GLDN: variants seen among roughly 807,000 people sequenced by gnomAD.
GLDN encodes the protein collomin.
GLDN carries 47 observed loss-of-function variants against 56.5 expected under a neutral mutation model. The observed-to-expected ratio is 0.83, with a 90% CI of 0.66 to 1.06. GLDN has a LOEUF of 1.06. Ranked by LOEUF, GLDN falls within the 50% of genes least tolerant of loss-of-function variation. The pLI, the probability that GLDN is intolerant of heterozygous loss-of-function variation, is 0.00. For missense variants in GLDN, 782 were observed against 714.3 expected, an observed-to-expected ratio of 1.09 and a Z score of -1.08; for synonymous variants, 332 against 278.8, an observed-to-expected ratio of 1.19 and a Z score of -1.90.
At chr15:51,371,313 T>C (rs528466341) in intron 1 of GLDN, among the ~76,000 whole-genome samples, 25 of 152,366 alleles carry the variant, frequency 1.6e-4, no homozygotes, top group East Asian at 1.3e-3. Flanking sequence ...CAGTGTTGCA[T>C]TGAGCATTTT....
rs147021073 is a variant in GLDN at position 51,355,525 on chromosome 15, CTT to C, written c.363+13493_363+13494del. Among the ~76,000 whole-genome samples, 49 of 126,382 alleles carry C rather than the reference CTT, an allele frequency of 3.9e-4. 1 individual carries two copies. The highest frequency in any genetic ancestry group is 1.7e-3 in the South Asian group (6 of 3,602). 82.9% of individuals were successfully genotyped at this position (126,382 alleles called of 152,430 possible). ...CATGCTTTTTTCTTTTTCTTTCTTT[CTT>C]TTTTTTTTTTTTTTGAGATGGAGTC... On this transcript the variant is annotated intron_variant, in intron 1 of 9. Transcript: ENST00000335449.
At chr15:51,380,446 T>C (rs2037733186) in intron 2 of GLDN, among the ~76,000 whole-genome samples, 1 of 152,202 alleles carries the variant, frequency 6.6e-6, no homozygotes, top group South Asian at 2.1e-4. Context: ...AAACACCCAG[T>C]TGGCACACAT....
intron 5 of GLDN, among the ~76,000 whole-genome samples, chr15:51,397,009 A>T (rs2038143708): frequency 6.6e-6 from 1 of 152,212 alleles, no homozygotes; most frequent in African/African-American, 2.4e-5. Context: ...GCTGCTGACC[A>T]AGTGAGGGGT....
chr15:51,346,004 C>T (rs1009199062), intron 1 of GLDN, among the ~76,000 whole-genome samples: 2 of 152,008 alleles, frequency 1.3e-5, no homozygotes, highest in Non-Finnish European at 1.5e-5. Flanking sequence ...ATATACTTAC[C>T]TTTTGTGTTA....
At chr15:51,353,978 G>A (rs1454247380) in intron 1 of GLDN, among the ~76,000 whole-genome samples, 1 of 152,170 alleles carries the variant, frequency 6.6e-6, no homozygotes, top group Non-Finnish European at 1.5e-5. Flanking sequence ...TTGCTTTTAT[G>A]TAGATCTTTA....
chr15:51,377,598 A>G, intron 2 of GLDN, 98 bp downstream of exon 2: 1 of 809,368 alleles, frequency 1.2e-6, no homozygotes, highest in Non-Finnish European at 2.0e-6. Context: ...TGTTATAAAA[A>G]TACATGTTGG....
intron 1 of GLDN, among the ~76,000 whole-genome samples, chr15:51,370,951 T>A (rs1442921341): frequency 6.6e-6 from 1 of 151,952 alleles, no homozygotes; most frequent in Non-Finnish European, 1.5e-5. Context: ...ATCAAGTTGG[T>A]GCCACTGCAT....
At chr15:51,410,194 T>A (rs1028204314), downstream of GLDN, among the ~76,000 whole-genome samples, 12 of 152,220 alleles carry the variant, frequency 7.9e-5, no homozygotes, top group African/African-American at 1.4e-4. Context: ...AGTGGAAAAG[T>A]CCTTAGATAT....
chr15:51,383,823 T>G lies in GLDN; in HGVS notation c.472T>G (p.Leu158Val), dbSNP rs77970795. ...CGGCGGGTTGCCAGGACACAACGGA[T>G]TGGATGGACAGCCTGGTCCTCAGGG... The part of the protein sequence containing the change: ...GAGGLPGHNG[L>V]DGQPGPQGPK... The change falls in exon 4 of 10, where the codon TTG becomes GTG. Residue 158 changes from leucine (L) to valine (V), a missense_variant. Coordinates refer to ENST00000335449, the MANE Select transcript of GLDN (RefSeq NM_181789.4). The G allele has an allele frequency of 7.1e-3, 11,385 of 1,613,132 alleles. 365 individuals carry two copies. The East Asian group carries it at 0.1, about 15-fold the overall frequency.
At chr15:51,362,633 G>C (rs1366208784) in intron 1 of GLDN, among the ~76,000 whole-genome samples, 1 of 152,080 alleles carries the variant, frequency 6.6e-6, no homozygotes, top group Admixed American at 6.6e-5. Context: ...GGAGGGTTTG[G>C]GGAAGAAGAG....
chr15:51,352,751 G>A (rs977368286), intron 1 of GLDN, among the ~76,000 whole-genome samples: 3 of 152,160 alleles, frequency 2.0e-5, no homozygotes, highest in African/African-American at 7.2e-5. Flanking sequence ...AATTATGACA[G>A]TGAAAGAAAT....
At position 51,370,007 on chromosome 15, in the gene GLDN, T is replaced by C. The variant is rs146705982; in HGVS notation, c.364-7442T>C. Among the ~76,000 whole-genome samples, 276 of 152,292 alleles carry C rather than the reference T, an allele frequency of 1.8e-3. 7 individuals are homozygous for C. The East Asian group carries it at 0.045, about 25-fold the overall frequency. ...GCCGCATGTCTGTAGTCCCAGCTAC[T>C]TGGGAGGCTGAGGCAGGAGGATCTC... On this transcript the variant is annotated intron_variant, in intron 1 of 9. Coordinates refer to ENST00000335449, the MANE Select transcript of GLDN (RefSeq NM_181789.4).
At chr15:51,384,205 A>G (rs2445740) in intron 4 of GLDN, 19,224 of 369,964 alleles carry the variant, frequency 0.052, 3,569 homozygotes, top group African/African-American at 0.39. Flanking sequence ...GGGCCGTGTG[A>G]CAGCTGGTGC....
chr15:51,383,755 TAA>T, intron 3 of GLDN, 28 bp from the exon 4 acceptor site: 5 of 1,465,082 alleles, frequency 3.4e-6, no homozygotes, highest in Admixed American at 2.3e-5. Flanking sequence ...TTTTTTTGGT[TAA>T]TGTCCCTGTT....
At chr15:51,385,865 C>A (rs950254365) in intron 4 of GLDN, among the ~76,000 whole-genome samples, 3 of 152,162 alleles carry the variant, frequency 2.0e-5, no homozygotes, top group African/African-American at 4.8e-5. Context: ...AGAGAGGTAA[C>A]CAGGCCAAAT....
At chr15:51,374,699 G>A (rs957227368) in intron 1 of GLDN, among the ~76,000 whole-genome samples, 39 of 146,556 alleles carry the variant, frequency 2.7e-4, no homozygotes, top group African/African-American at 8.1e-4. Flanking sequence ...ATTATTCATC[G>A]TTAAATTATC....
At chr15:51,353,009 C>T (rs1207303420) in intron 1 of GLDN, among the ~76,000 whole-genome samples, 1 of 152,186 alleles carries the variant, frequency 6.6e-6, no homozygotes, top group East Asian at 1.9e-4. Flanking sequence ...AGATTACTAA[C>T]CTCCCCAATT....
rs146826824 is a variant in GLDN at position 51,384,025 on chromosome 15, C to T, written c.541+133C>T. The T allele has an allele frequency of 4.3e-5, 32 of 752,104 alleles. No individual in the cohort carries two copies. The East Asian group carries it at 8.6e-4, about 20-fold the overall frequency. 46.6% of individuals were successfully genotyped at this position (752,104 alleles called of 1,614,324 possible). On this transcript the variant is annotated intron_variant, in intron 4 of 9. Coordinates refer to ENST00000335449, the MANE Select transcript of GLDN (RefSeq NM_181789.4). ...CAGTTTAAGGCCGGTTTAACTCTTA[C>T]CTAGAAGCCATTGCGTTCCGGGATA... is the stretch of plus-strand genomic sequence containing the variant.
chr15:51,362,432 C>T lies in GLDN; in HGVS notation c.364-15017C>T, dbSNP rs565884414. ...CCAGGGAGGCAGACGTTGCAGTGAGCTGAGATTGTGCCACTGCACTTCAGC... is the reference window on the plus strand; with the variant it reads ...CCAGGGAGGCAGACGTTGCAGTGAGTTGAGATTGTGCCACTGCACTTCAGC... On this transcript the variant is annotated intron_variant, in intron 1 of 9. Coordinates refer to ENST00000335449, the MANE Select transcript of GLDN (RefSeq NM_181789.4). 4.0e-5 allele frequency among the ~76,000 whole-genome samples: 6 copies of T among 148,600 alleles called. No homozygotes were observed. In the East Asian group the frequency reaches 1.2e-3, roughly 29 times the overall value.
Sources: gnomAD v4.1 joint callset for allele counts (sites outside exome capture counted in the v4.1 genomes callset) on GRCh38, gnomAD v4.1.1 for gene constraint, MANE v1.5 for transcripts, NCBI Gene and HGNC (gene_info 2026-07-23, HGNC 2026-07-21) for gene names.